Variants in ST18 observed in about 807,000 individuals in gnomAD.
ST18 encodes suppression of tumorigenicity 18 protein.
ST18 carries 50 observed loss-of-function variants against 110.0 expected under a neutral mutation model. The ratio of observed to expected loss-of-function variants is 0.45; its 90% CI spans 0.36 to 0.58. The LOEUF is 0.58. Ranked by LOEUF, ST18 falls within the 20% of genes least tolerant of loss-of-function variation. The pLI is 0.00. For synonymous variants in ST18, 461 were observed against 452.4 expected, an observed-to-expected ratio of 1.02 and a Z score of -0.24; for missense variants, 1,306 against 1,280.1, an observed-to-expected ratio of 1.02 and a Z score of -0.31.
chr8:52,177,261 A>T (rs1441185170), intron 9 of ST18, among the ~76,000 whole-genome samples: 2 of 152,182 alleles, frequency 1.3e-5, no homozygotes, highest in African/African-American at 4.8e-5. Context: ...TATCCCCTTA[A>T]CGGCAACCTG....
chr8:52,324,549 G>A (rs181916386), intron 2 of ST18, among the ~76,000 whole-genome samples: 2 of 152,234 alleles, frequency 1.3e-5, no homozygotes, highest in Non-Finnish European at 2.9e-5. Flanking sequence ...GCAGATGCAC[G>A]GCAATGGGAA....
chr8:52,180,405 GA>G, intron 8 of ST18, 93 bp from the exon 9 acceptor site: 1 of 1,414,078 alleles, frequency 7.1e-7, no homozygotes, highest in Non-Finnish European at 9.7e-7. Context: ...AAAGCCTTTG[GA>G]AACTTGGGAC....
At chr8:52,236,417 C>T (rs1274556333) in intron 2 of ST18, among the ~76,000 whole-genome samples, 5 of 152,058 alleles carry the variant, frequency 3.3e-5, no homozygotes, top group East Asian at 3.9e-4. Context: ...CAAGACCAAC[C>T]TAGCCAACAT....
At chr8:52,305,845 TC>T (rs2095803984) in intron 2 of ST18, among the ~76,000 whole-genome samples, 1 of 152,224 alleles carries the variant, frequency 6.6e-6, no homozygotes, top group Non-Finnish European at 1.5e-5. Context: ...CTAACAGGAC[TC>T]CTGGCTTGCA....
intron 15 of ST18, chr8:52,154,635 CT>C (rs2059590778): frequency 6.6e-6 from 1 of 152,170 alleles, no homozygotes; most frequent in Admixed American, 6.5e-5. Flanking sequence ...AAGGGGAGCT[CT>C]TTGGAGCTGT....
intron 2 of ST18, among the ~76,000 whole-genome samples, chr8:52,334,084 C>T (rs954951121): frequency 6.6e-6 from 1 of 152,190 alleles, no homozygotes; most frequent in African/African-American, 2.4e-5. Flanking sequence ...AGAACAGACA[C>T]ATGCTGTACA....
chr8:52,228,808 C>T (rs6996160), intron 3 of ST18, among the ~76,000 whole-genome samples: 7,756 of 152,050 alleles, frequency 0.051, 620 homozygotes, highest in African/African-American at 0.17. Context: ...ACACTAGACT[C>T]GGCATTCTTT....
chr8:52,341,170 C>T (rs568308140), intron 2 of ST18, among the ~76,000 whole-genome samples: 1 of 152,288 alleles, frequency 6.6e-6, no homozygotes, highest in Non-Finnish European at 1.5e-5. Context: ...CATCCACTCC[C>T]CTTAAAAAAG....
Position 52,180,323 on chromosome 8 carries a change from T to C in ST18, c.87-11A>G, listed in dbSNP as rs746088845. On this transcript the variant is annotated splice_polypyrimidine_tract_variant and intron_variant, in intron 8 of 25. Coordinates refer to ENST00000689386, the MANE Select transcript of ST18 (RefSeq NM_001352837.2). ...CAATCATAGGCAACACTGTAGTGAT[T>C]GAGGAAAATTAAGAATATGGTAAAT... The C allele has an allele frequency of 1.2e-6, 2 of 1,613,174 alleles. No individual in the cohort carries two copies. Among genetic ancestry groups the C allele is most frequent in the East Asian group, 4.5e-5 (2 of 44,864 alleles).
At chr8:52,220,677 C>T (rs1349925212) in intron 5 of ST18, 64 bp downstream of exon 5, 1 of 152,068 alleles carries the variant, frequency 6.6e-6, no homozygotes, top group Non-Finnish European at 1.5e-5. Flanking sequence ...CGTATAAATT[C>T]TTTGATTGAA....
chr8:52,158,002 C>T (rs1400314354), intron 15 of ST18, among the ~76,000 whole-genome samples: 3 of 152,196 alleles, frequency 2.0e-5, no homozygotes, highest in Non-Finnish European at 2.9e-5. Context: ...TGGCTTCAGC[C>T]ATCTAGGTAG....
chr8:52,322,968 G>A, intron 2 of ST18, among the ~76,000 whole-genome samples: 1 of 152,190 alleles, frequency 6.6e-6, no homozygotes, highest in East Asian at 1.9e-4. Flanking sequence ...TCTAGTGATA[G>A]CTCTTCACTG....
Position 52,133,289 on chromosome 8 carries a change from T to G in ST18, c.2313A>C (p.Pro771=), listed in dbSNP as rs757805688. ...ANSQELKCPT[P]GCDGSGHVTG... The stretch of plus-strand genomic sequence containing the variant: ...TCACGTGCCCCGAGCCATCGCAGCC[T>G]GGGGTTGGACACCTGGAAGGCACAG... The change falls in exon 20 of 26, where the codon CCA becomes CCC. Residue 771 remains proline, a synonymous_variant. Coordinates refer to ENST00000689386, the MANE Select transcript of ST18 (RefSeq NM_001352837.2). 6.2e-7 allele frequency: 1 copy of G among 1,614,134 alleles called. No homozygotes were observed. Among genetic ancestry groups the G allele is most frequent in the South Asian group, 1.1e-5 (1 of 91,076 alleles).
intron 2 of ST18, among the ~76,000 whole-genome samples, chr8:52,387,824 T>C (rs1304513651): frequency 2.0e-5 from 3 of 152,180 alleles, no homozygotes; most frequent in Non-Finnish European, 4.4e-5. Flanking sequence ...AACTGGTTTG[T>C]GAACACAGGT....
chr8:52,320,649 C>T (rs1194382257), intron 2 of ST18, among the ~76,000 whole-genome samples: 1 of 152,182 alleles, frequency 6.6e-6, no homozygotes, highest in African/African-American at 2.4e-5. Context: ...ACTGAAACTA[C>T]CGTGAGATAC....
At chr8:52,379,726 T>A (rs1191910197) in intron 2 of ST18, among the ~76,000 whole-genome samples, 1 of 152,218 alleles carries the variant, frequency 6.6e-6, no homozygotes, top group Non-Finnish European at 1.5e-5. Flanking sequence ...AGTTAAAGTT[T>A]ATCAAAACTC....
chr8:52,348,956 C>T lies in ST18; in HGVS notation c.-465+60372G>A, dbSNP rs1288396519. 2.6e-5 allele frequency among the ~76,000 whole-genome samples: 4 copies of T among 152,108 alleles called. No individual in the cohort carries two copies. In the South Asian group the frequency reaches 6.2e-4, roughly 24 times the overall value. ...TACAATAGATCTCTCAAACTGATTT[C>T]TTCTAGCTGAAGTTTTGTACCCTTT... On this transcript the variant is annotated intron_variant, in intron 2 of 25. Transcript: ENST00000689386.
intron 2 of ST18, among the ~76,000 whole-genome samples, chr8:52,257,394 C>T (rs1237683213): frequency 1.3e-5 from 2 of 152,152 alleles, no homozygotes; most frequent in Non-Finnish European, 2.9e-5. Context: ...ATATACCTTT[C>T]CCCCAGCAGT....
intron 2 of ST18, among the ~76,000 whole-genome samples, chr8:52,357,143 G>C (rs1291874702): frequency 2.0e-5 from 3 of 152,074 alleles, no homozygotes; most frequent in Admixed American, 6.6e-5. Flanking sequence ...TTTGATACAA[G>C]CTTGCAATGT....
Sources: gnomAD v4.1 joint callset for allele counts (sites outside exome capture counted in the v4.1 genomes callset) on GRCh38, gnomAD v4.1.1 for gene constraint, MANE v1.5 for transcripts, NCBI Gene and HGNC (gene_info 2026-07-23, HGNC 2026-07-21) for gene names.